The following TECTA variants were observed in gnomAD, a reference collection of about 807,000 sequenced individuals.
TECTA encodes the protein tectorin alpha.
TECTA carries 128 observed loss-of-function variants against 216.8 expected under a neutral mutation model. The observed-to-expected ratio is 0.59, with a 90% confidence interval of 0.51 to 0.68. The LOEUF (loss-of-function observed/expected upper bound fraction) is 0.68. Among genes scored for constraint, TECTA ranks in the 30% least tolerant of loss-of-function variants. The pLI is 0.00. For missense variants in TECTA, 2,551 were observed against 2,786.2 expected (o/e 0.92, Z 1.90); for synonymous variants, 1,089 against 1,117.1 (o/e 0.97, Z 0.50).
At chr11:121,163,730 G>C (rs1947024694) in intron 16 of TECTA, among the ~76,000 whole-genome samples, 1 of 152,146 alleles carries the variant, frequency 6.6e-6, no homozygotes, top group South Asian at 2.1e-4. Flanking sequence ...CTCTATCTAA[G>C]GGCATGTCTT....
At chr11:121,171,236 G>A (rs1023846892) in intron 20 of TECTA, among the ~76,000 whole-genome samples, 3 of 152,126 alleles carry the variant, frequency 2.0e-5, no homozygotes, top group Non-Finnish European at 1.5e-5. Context: ...TCAGTTGGCT[G>A]TAAATACATG....
intron 20 of TECTA, among the ~76,000 whole-genome samples, 178 bp from the exon 21 acceptor site, chr11:121,187,654 A>C (rs1216082770): frequency 1.3e-5 from 2 of 152,258 alleles, no homozygotes. Flanking sequence ...CTATGAAAAC[A>C]TGAGGGAGTG....
rs1418540563 is a variant in TECTA at position 121,113,466 on chromosome 11, G to T, written c.625-87G>T. ...AAAGACGGCTCTTGATTTTAGAGGTGCTGGATTTTAAAAATAAGGTAGTTG... is the reference window on the plus strand; with the variant it reads ...AAAGACGGCTCTTGATTTTAGAGGTTCTGGATTTTAAAAATAAGGTAGTTG... On this transcript the variant is annotated intron_variant, in intron 5 of 23. Coordinates refer to ENST00000392793, the MANE Select transcript of TECTA (RefSeq NM_005422.4). This position sits in a 1 kb window ranked among gnomAD's most constrained non-coding sequence, Gnocchi z 4.2. 4 of 1,573,992 alleles carry T rather than the reference G, an allele frequency of 2.5e-6. No individual in the cohort carries two copies. Among genetic ancestry groups the T allele is most frequent in the African/African-American group, 1.4e-5 (1 of 73,974 alleles).
At chr11:121,137,317 C>T in intron 10 of TECTA, 104 bp from the exon 11 acceptor site, 1 of 1,455,376 alleles carries the variant, frequency 6.9e-7, no homozygotes, top group African/African-American at 1.4e-5. Flanking sequence ...CACGCACATG[C>T]ACTCACAAAC....
chr11:121,102,894 T>G (rs1217986796), intron 2 of TECTA, among the ~76,000 whole-genome samples, 165 bp downstream of exon 2: 2 of 152,252 alleles, frequency 1.3e-5, no homozygotes, highest in Admixed American at 6.5e-5. Context: ...TTCATTAACT[T>G]TAAATGAGGT....
intron 14 of TECTA, among the ~76,000 whole-genome samples, chr11:121,158,681 G>T (rs1946969198): frequency 6.6e-6 from 1 of 151,986 alleles, no homozygotes; most frequent in Admixed American, 6.6e-5. Context: ...ACACCAATCT[G>T]AGTAAAAACC....
chr11:121,182,073 G>T (rs922509589), intron 20 of TECTA, among the ~76,000 whole-genome samples: 3 of 152,222 alleles, frequency 2.0e-5, no homozygotes, highest in Non-Finnish European at 2.9e-5. Context: ...CTTTGCTGGG[G>T]ACAGGGATGC....
chr11:121,183,834 C>G (rs1162669289), intron 20 of TECTA, among the ~76,000 whole-genome samples: 3 of 152,180 alleles, frequency 2.0e-5, no homozygotes, highest in Non-Finnish European at 4.4e-5. Flanking sequence ...ATTGCCCAGG[C>G]TAGAGTGTGG....
In TECTA at chr11:121,137,674, C is replaced by T. The variant is rs1565526842; in HGVS notation, c.3195C>T (p.Gly1065=). ...LDCQIFCYCS[G]TDNRVHCETI... is the part of the protein sequence containing the mutation. ...GCCAGATCTTCTGCTATTGCAGTGG[C>T]ACAGACAACAGGGTCCACTGCGAGA... Residue 1065 remains glycine (G), a synonymous_variant, in exon 11 of 24, where the codon GGC becomes GGT. Transcript: ENST00000392793. 2 of 1,614,046 alleles carry T rather than the reference C, an allele frequency of 1.2e-6. No individual in the cohort carries two copies. Among genetic ancestry groups the T allele is most frequent in the Non-Finnish European group, 1.7e-6 (2 of 1,180,028 alleles).
At chr11:121,152,840 C>T in intron 12 of TECTA, 41 bp from the exon 13 acceptor site, 1 of 1,569,822 alleles carries the variant, frequency 6.4e-7, no homozygotes, top group East Asian at 2.3e-5. Context: ...TCCTCGGTGC[C>T]TTGTGATCGT....
At chr11:121,170,579 C>G (rs1392527246) in intron 20 of TECTA, among the ~76,000 whole-genome samples, 1 of 152,092 alleles carries the variant, frequency 6.6e-6, no homozygotes, top group Non-Finnish European at 1.5e-5. Context: ...CATATCCTCA[C>G]TAGCATTTGT....
At position 121,189,125 on chromosome 11, in the gene TECTA, C is replaced by T; in HGVS notation, c.6208C>T (p.Pro2070Ser). Residue 2070 changes from proline to serine, a missense_variant, in exon 22 of 24, where the codon CCC becomes TCC. By Grantham distance (74) the Pro-to-Ser change is moderately conservative. Coordinates refer to ENST00000392793, the MANE Select transcript of TECTA (RefSeq NM_005422.4). Reference sequence around the variant, plus strand: ...GATTGCCACAGATTACACAAAAGAGCCCAAAGAACAGATCATTTCAGTGGG... The same window carrying T: ...GATTGCCACAGATTACACAAAAGAGTCCAAAGAACAGATCATTTCAGTGGG... ...SRIATDYTKE[P>S]KEQIISVGPI... The T allele has an allele frequency of 1.2e-6, 2 of 1,614,126 alleles. No homozygotes were observed. The highest frequency in any genetic ancestry group is 4.5e-5 in the East Asian group (2 of 44,886).
chr11:121,166,454 C>G, intron 17 of TECTA, 124 bp from the exon 18 acceptor site: 1 of 929,934 alleles, frequency 1.1e-6, no homozygotes, highest in Non-Finnish European at 1.7e-6. Context: ...ATTAGAAATG[C>G]TGCAGCCTTG....
intron 15 of TECTA, among the ~76,000 whole-genome samples, 165 bp downstream of exon 15, chr11:121,160,586 G>T (rs141835371): frequency 2.4e-4 from 36 of 152,334 alleles, no homozygotes; most frequent in African/African-American, 8.7e-4. Context: ...GCACATCAGA[G>T]ACCCCAGTAA....
At chr11:121,150,691 G>A (rs1471826418) in intron 12 of TECTA, among the ~76,000 whole-genome samples, 2 of 138,486 alleles carry the variant, frequency 1.4e-5, no homozygotes, top group African/African-American at 5.5e-5. Context: ...CTGTCACCAG[G>A]CTGGAGTGCA....
chr11:121,147,822 G>A (rs1946853739), intron 12 of TECTA, among the ~76,000 whole-genome samples: 1 of 152,136 alleles, frequency 6.6e-6, no homozygotes, highest in African/African-American at 2.4e-5. Context: ...GTGGGGACAG[G>A]CATGCCAAAA....
intron 9 of TECTA, among the ~76,000 whole-genome samples, chr11:121,128,612 A>G (rs1479527041): frequency 6.6e-6 from 1 of 152,224 alleles, no homozygotes; most frequent in East Asian, 1.9e-4. Flanking sequence ...ACTATGTGCC[A>G]AGCACTATTC....
intron 4 of TECTA, among the ~76,000 whole-genome samples, chr11:121,112,317 C>T (rs1276952785): frequency 2.0e-5 from 3 of 152,270 alleles, no homozygotes; most frequent in Non-Finnish European, 4.4e-5. Context: ...GGAACTCTGG[C>T]GCAAATCTCG....
rs761032564 is a variant in TECTA at position 121,125,635 on chromosome 11, G to T, written c.1537G>T (p.Ala513Ser). The change falls in exon 8 of 24, where the codon GCC becomes TCC. Residue 513 changes from alanine (A) to serine (S), a missense_variant. Coordinates refer to ENST00000392793, the MANE Select transcript of TECTA (RefSeq NM_005422.4). ...CVDNCTQCDA[A>S]TEALYFGSDY... ...CGACAACTGCACCCAGTGCGACGCTGCCACTGAAGCCCTCTACTTTGGCTC... is the reference window on the plus strand; with the variant it reads ...CGACAACTGCACCCAGTGCGACGCTTCCACTGAAGCCCTCTACTTTGGCTC... The T allele has an allele frequency of 1.2e-6, 2 of 1,612,156 alleles. No individual in the cohort carries two copies. Among genetic ancestry groups the T allele is most frequent in the Admixed American group, 3.3e-5 (2 of 59,918 alleles).
Sources: allele counts gnomAD v4.1 joint callset (sites outside exome capture counted in the v4.1 genomes callset), GRCh38; gene constraint gnomAD v4.1.1; non-coding constraint Gnocchi (gnomAD v3.1); transcripts MANE v1.5; gene names NCBI Gene and HGNC (gene_info 2026-07-23, HGNC 2026-07-21).